The following ERBB2 variants were observed in gnomAD, a reference collection of about 807,000 sequenced individuals.
ERBB2 encodes erb-b2 receptor tyrosine kinase 2.
In ERBB2, 61 loss-of-function variants were observed where a neutral mutation model predicts 149.0. That is an observed-to-expected ratio of 0.41 (90% CI 0.33 to 0.51). ERBB2 has a LOEUF of 0.51. Among genes scored for constraint, ERBB2 ranks in the 20% least tolerant of loss-of-function variants. ERBB2 has a pLI of 0.25. For synonymous variants in ERBB2, 633 were observed against 678.8 expected (o/e 0.93, Z 1.05); for missense variants, 1,205 against 1,655.1 (o/e 0.73, Z 4.72).
chr17:39,716,227 A>G lies in ERBB2; in HGVS notation c.1514-74A>G, dbSNP rs2059116202. The G allele has an allele frequency of 2.0e-5, 29 of 1,476,912 alleles. No individual in the cohort carries two copies. The South Asian group carries it at 3.7e-4, about 19-fold the overall frequency. The allele number at this position is 1,476,912 out of a possible 1,614,324, so 91.5% of individuals were successfully genotyped here. A position where few individuals can be genotyped will look rare whatever the true frequency, so the allele number is the denominator to read the frequency against. ...CCCTCCAGCCCACAGCCATGCCCAC[A>G]GCCAGTTCCCTGGTTCACTTGGACC... On this transcript the variant is annotated intron_variant, in intron 12 of 26. Coordinates refer to ENST00000269571, the MANE Select transcript of ERBB2 (RefSeq NM_004448.4).
At position 39,711,980 on chromosome 17, in the gene ERBB2, C is replaced by A. The variant is rs1230152304; in HGVS notation, c.954C>A (p.His318Gln). 2.5e-6 allele frequency: 4 copies of A among 1,614,060 alleles called. No homozygotes were observed. The highest frequency in any genetic ancestry group is 1.7e-5 in the Admixed American group (1 of 60,008). Residue 318 changes from histidine to glutamine, a missense_variant, in exon 8 of 27, where the codon CAC becomes CAA. His to Gln is a conservative substitution (Grantham distance 24, BLOSUM62 0). Around this residue, in one of 6 missense-constraint regions of ERBB2, gnomAD observed 569 missense variants for 803.5 expected, o/e 0.71. Transcript: ENST00000269571. ...CCTGCACCCTCGTCTGCCCCCTGCA[C>A]AACCAAGAGGTGACAGCAGAGGATG... ...VGSCTLVCPL[H>Q]NQEVTAEDGT...
At chr17:39,694,243 ATATATATATATATATATATATATATG>A (rs1433778924), upstream of ERBB2, among the ~76,000 whole-genome samples, 343 of 32,504 alleles carry the variant, frequency 0.011, 9 homozygotes, top group Middle Eastern at 0.023. Flanking sequence ...ATATATATAT[ATATATATATATATATATATATATATG>A]TGTGTATATA....
chr17:39,721,961 C>A (rs919303357), intron 16 of ERBB2, among the ~76,000 whole-genome samples: 2 of 151,870 alleles, frequency 1.3e-5, no homozygotes, highest in African/African-American at 4.8e-5. Flanking sequence ...TGTTGTTACC[C>A]AGGCTGGAGT....
upstream of ERBB2, among the ~76,000 whole-genome samples, chr17:39,691,782 G>A (rs1597838166): frequency 1.3e-5 from 2 of 148,680 alleles, no homozygotes; most frequent in Admixed American, 1.3e-4. Flanking sequence ...TATTAATGGA[G>A]GGAGAGCCAT....
At chr17:39,714,473 T>C (rs1418513278) in intron 9 of ERBB2, among the ~76,000 whole-genome samples, 1 of 152,182 alleles carries the variant, frequency 6.6e-6, no homozygotes, top group East Asian at 1.9e-4. Flanking sequence ...GCAAGAACAG[T>C]CCCAACTTCA....
Position 39,719,934 on chromosome 17 carries a change from C to G in ERBB2, c.1946+100C>G, listed in dbSNP as rs1255013900. The G allele has an allele frequency of 1.0e-5, 11 of 1,082,636 alleles. No individual in the cohort carries two copies. The South Asian group carries it at 1.3e-4, about 12-fold the overall frequency. The allele number at this position is 1,082,636 out of a possible 1,614,324, so 67.1% of individuals were successfully genotyped here. A position where few individuals can be genotyped will look rare whatever the true frequency, so the allele number is the denominator to read the frequency against. ...GGGAGGGGACCCCCTGACATATGTC[C>G]CTTCCCACCCACTCTTCCACTGTGG... On this transcript the variant is annotated intron_variant, in intron 16 of 26. Coordinates refer to ENST00000269571, the MANE Select transcript of ERBB2 (RefSeq NM_004448.4).
intron 11 of ERBB2, 88 bp from the exon 12 acceptor site, chr17:39,715,652 C>G: frequency 6.4e-7 from 1 of 1,560,592 alleles, no homozygotes; most frequent in Non-Finnish European, 8.8e-7. Context: ...TGAAAGTCTG[C>G]AGAGTGTGCT....
At chr17:39,703,452 G>A (rs1244333911) in intron 1 of ERBB2, 1 of 152,240 alleles carries the variant, frequency 6.6e-6, no homozygotes, top group African/African-American at 2.4e-5. Flanking sequence ...ACTCTTTCAA[G>A]GAGTGGGAGA....
At position 39,726,849 on chromosome 17, in the gene ERBB2, G is replaced by A; in HGVS notation, c.3005G>A (p.Ser1002Asn). 1 of 1,613,238 alleles carries A rather than the reference G, an allele frequency of 6.2e-7. No homozygotes were observed. The highest frequency in any genetic ancestry group is 8.5e-7 in the Non-Finnish European group (1 of 1,179,494). The change falls in exon 25 of 27, where the codon AGC becomes AAC. Residue 1002 changes from serine to asparagine, a missense_variant. Ser to Asn is a conservative substitution (Grantham distance 46). This residue lies in a region of ERBB2 where 312 missense variants were observed against 343.8 expected (regional missense o/e 0.91). Transcript: ENST00000269571. The surrounding 1 kb of genome is among the most constrained non-coding windows in gnomAD (Gnocchi z 5.1). ...EDLGPASPLD[S>N]TFYRSLLEDD... Reference sequence around the variant, plus strand: ...TTGGGCCCAGCCAGTCCCTTGGACAGCACCTTCTACCGCTCACTGCTGGAG... The same window carrying A: ...TTGGGCCCAGCCAGTCCCTTGGACAACACCTTCTACCGCTCACTGCTGGAG...
At chr17:39,709,233 C>A in intron 3 of ERBB2, 85 bp from the exon 4 acceptor site, 1 of 1,517,124 alleles carries the variant, frequency 6.6e-7, no homozygotes, top group South Asian at 1.2e-5. Context: ...AAGGCCTGCT[C>A]CTCTTTTAGA....
chr17:39,716,640 G>A (rs765283626), intron 14 of ERBB2, 35 bp downstream of exon 14: 9 of 1,577,834 alleles, frequency 5.7e-6, no homozygotes, highest in East Asian at 4.5e-5. Flanking sequence ...TGGGTGGAGG[G>A]GGGCAGCGAG....
intron 19 of ERBB2, among the ~76,000 whole-genome samples, chr17:39,724,334 G>C (rs947490800): frequency 7.4e-6 from 1 of 135,740 alleles, no homozygotes; most frequent in African/African-American, 2.7e-5. Flanking sequence ...GAAATGGTGC[G>C]GTCTCAGCTC....
At position 39,723,714 on chromosome 17, in the gene ERBB2, A is replaced by C. The variant is rs550002825; in HGVS notation, c.2208+54A>C. On this transcript the variant is annotated intron_variant, in intron 18 of 26. Transcript: ENST00000269571. The surrounding 1 kb of genome is among the most constrained non-coding windows in gnomAD (Gnocchi z 6.2). Reference sequence around the variant, plus strand: ...CCCAGAGGATGGGGGCGGTGCCTGGAGGGGTGTGGTCGGCAGTTCTGATGG... The same window carrying C: ...CCCAGAGGATGGGGGCGGTGCCTGGCGGGGTGTGGTCGGCAGTTCTGATGG... 2.5e-6 allele frequency: 4 copies of C among 1,570,922 alleles called. No individual in the cohort carries two copies. The East Asian group carries it at 9.3e-5, about 36-fold the overall frequency.
Position 39,710,432 on chromosome 17 carries a change from T to A in ERBB2, c.852T>A (p.Asn284Lys). Residue 284 changes from asparagine to lysine, a missense_variant, in exon 7 of 27, where the codon AAT (asparagine) becomes AAA (lysine). By Grantham distance (94) the Asn-to-Lys change is moderately conservative. Around this residue, in one of 6 missense-constraint regions of ERBB2, gnomAD observed 569 missense variants for 803.5 expected, o/e 0.71. Transcript: ENST00000269571. The part of the protein sequence containing the change: ...YNTDTFESMP[N>K]PEGRYTFGAS... Reference sequence around the variant, plus strand: ...CAGACACGTTTGAGTCCATGCCCAATCCCGAGGGCCGGTATACATTCGGCG... The same window carrying A: ...CAGACACGTTTGAGTCCATGCCCAAACCCGAGGGCCGGTATACATTCGGCG... 1 of 1,614,028 alleles carries A rather than the reference T, an allele frequency of 6.2e-7. No individual in the cohort carries two copies. Among genetic ancestry groups the A allele is most frequent in the Non-Finnish European group, 8.5e-7 (1 of 1,180,034 alleles).
Position 39,726,405 on chromosome 17 carries a change from G to C in ERBB2, c.2873-157G>C. ...ACTAGAAGAGATGCCAAAGGTTCTG[G>C]CTGAAGACCCCAGAGTCTGGTGCTA... On this transcript the variant is annotated intron_variant, in intron 23 of 26. Transcript: ENST00000269571. The surrounding 1 kb of genome is among the most constrained non-coding windows in gnomAD (Gnocchi z 5.1). 3 of 631,894 alleles carry C rather than the reference G, an allele frequency of 4.7e-6. No individual in the cohort carries two copies. 39.1% of individuals were successfully genotyped at this position (631,894 alleles called of 1,614,324 possible).
intron 14 of ERBB2, 24 bp from the exon 15 acceptor site, chr17:39,717,296 A>G (rs2145704554): frequency 6.3e-7 from 1 of 1,579,000 alleles, no homozygotes; most frequent in Non-Finnish European, 8.6e-7. Context: ...CCAGCCCCCC[A>G]CAAATCTTTT....
chr17:39,721,617 A>G (rs1057231828), intron 16 of ERBB2, among the ~76,000 whole-genome samples: 4 of 152,176 alleles, frequency 2.6e-5, no homozygotes, highest in African/African-American at 7.2e-5. Flanking sequence ...ATGGTGGTCC[A>G]GGCTGAAGGG....
At chr17:39,714,772 C>CTTTTTT (rs1305856787) in intron 9 of ERBB2, among the ~76,000 whole-genome samples, 1 of 136,250 alleles carries the variant, frequency 7.3e-6, no homozygotes, top group Non-Finnish European at 1.6e-5. Context: ...GATTTCTTTT[C>CTTTTTT]TTTTTTTTTT....
At chr17:39,720,139 A>G in intron 16 of ERBB2, 1 of 409,766 alleles carries the variant, frequency 2.4e-6, no homozygotes, top group African/African-American at 2.0e-5. Context: ...GACTGAGAAG[A>G]GTACAGCTGC....
Sources: gnomAD v4.1 joint callset for allele counts (sites outside exome capture counted in the v4.1 genomes callset) on GRCh38, gnomAD v4.1.1 for gene constraint, gnomAD v4.1.1 regional missense constraint, Gnocchi (gnomAD v3.1) non-coding constraint, MANE v1.5 for transcripts, NCBI Gene and HGNC (gene_info 2026-07-23, HGNC 2026-07-21) for gene names.